NCOA2: variants seen among roughly 807,000 people sequenced by gnomAD.
NCOA2 encodes the protein nuclear receptor coactivator 2.
In NCOA2, 21 loss-of-function variants were observed where a neutral mutation model predicts 145.1. The ratio of observed to expected loss-of-function variants is 0.14; its 90% confidence interval spans 0.10 to 0.21. The LOEUF is 0.21. Among genes scored for constraint, NCOA2 ranks in the 10% least tolerant of loss-of-function variants. The pLI, the probability that NCOA2 is intolerant of heterozygous loss-of-function variation, is 1.00. For synonymous variants in NCOA2, 619 were observed against 637.5 expected (o/e 0.97, Z 0.44); for missense variants, 1,472 against 1,837.6 (o/e 0.80, Z 3.64).
At position 70,112,429 on chromosome 8, in the gene NCOA2, C is replaced by T. The variant is rs1011436809; in HGVS notation, c.*1203G>A. On this transcript the variant is annotated 3_prime_UTR_variant, in exon 23 of 23. Coordinates refer to ENST00000452400, the MANE Select transcript of NCOA2 (RefSeq NM_006540.4). ...GGATTTTATGTACCTTACAAAACTT[C>T]GGCTTAGTCAGCACTGCTAAAAAAC... The T allele has an allele frequency of 5.1e-6, 1 of 195,336 alleles. No individual in the cohort carries two copies. Among genetic ancestry groups the T allele is most frequent in the Non-Finnish European group, 1.1e-5 (1 of 93,716 alleles). 12.1% of individuals were successfully genotyped at this position (195,336 alleles called of 1,614,324 possible). A position where few individuals can be genotyped will look rare whatever the true frequency, so the allele number is the denominator to read the frequency against.
chr8:70,159,028 G>A (rs1812588323), intron 10 of NCOA2, among the ~76,000 whole-genome samples: 1 of 151,194 alleles, frequency 6.6e-6, no homozygotes, highest in South Asian at 2.1e-4. Flanking sequence ...ATGGGGGACT[G>A]GTTCTAGCCT....
At chr8:70,422,411 T>TG in the NCOA2 span, among the ~76,000 whole-genome samples, 26 of 152,138 alleles carry the variant, frequency 1.7e-4, no homozygotes, top group East Asian at 7.7e-4. Flanking sequence ...GTTTTTTTTT[T>TG]TTGTTGTCAT....
intron 2 of NCOA2, 51 bp downstream of exon 2, chr8:70,296,693 T>C (rs1269171522): frequency 6.6e-6 from 1 of 152,188 alleles, no homozygotes; most frequent in Non-Finnish European, 1.5e-5. Flanking sequence ...AATTTTAAAA[T>C]TTTAATTAAA....
In NCOA2 at chr8:70,131,783, A is replaced by G; in HGVS notation, c.3324+54T>C. On this transcript the variant is annotated intron_variant, in intron 16 of 22. Coordinates refer to ENST00000452400, the MANE Select transcript of NCOA2 (RefSeq NM_006540.4). ...GAGTACCTGTAAACAGAAAATGGAC[A>G]CCTCTGCGCCCATGAGAGCGCTTGG... is the stretch of plus-strand genomic sequence containing the variant. 2.6e-6 allele frequency: 4 copies of G among 1,514,610 alleles called. No homozygotes were observed. The South Asian group carries it at 5.0e-5, about 19-fold the overall frequency. The allele number at this position is 1,514,610 out of a possible 1,614,324, so 93.8% of individuals were successfully genotyped here. A position where few individuals can be genotyped will look rare whatever the true frequency, so the allele number is the denominator to read the frequency against.
intron 2 of NCOA2, among the ~76,000 whole-genome samples, chr8:70,224,794 T>C (rs1487444573): frequency 6.6e-6 from 1 of 151,096 alleles, no homozygotes; most frequent in East Asian, 1.9e-4. Flanking sequence ...ACATATATAT[T>C]AATTAAATTA....
At chr8:70,212,616 A>T (rs572814761) in intron 4 of NCOA2, among the ~76,000 whole-genome samples, 9 of 152,356 alleles carry the variant, frequency 5.9e-5, no homozygotes, top group East Asian at 5.8e-4. Flanking sequence ...TGAAATGGAA[A>T]ACGCTAAGAT....
chr8:70,132,290 G>A (rs1380091377), intron 15 of NCOA2, among the ~76,000 whole-genome samples: 1 of 152,176 alleles, frequency 6.6e-6, no homozygotes, highest in East Asian at 1.9e-4. Context: ...GGTCCACATG[G>A]ATCTGTGTGA....
rs1425153905 is a variant in NCOA2 at position 70,148,128 on chromosome 8, C to G, written c.2605+145G>C. The G allele has an allele frequency of 5.4e-6, 4 of 742,308 alleles. No individual in the cohort carries two copies. The Admixed American group carries it at 9.7e-5, about 18-fold the overall frequency. The allele number at this position is 742,308 out of a possible 1,614,324, so 46.0% of individuals were successfully genotyped here. On this transcript the variant is annotated intron_variant, in intron 12 of 22. Coordinates refer to ENST00000452400, the MANE Select transcript of NCOA2 (RefSeq NM_006540.4). ...GGAGGATCCATTTTGAATACTGTTTCAAAAGACCAGGACAGTAGATGGTGC... is the reference window on the plus strand; with the variant it reads ...GGAGGATCCATTTTGAATACTGTTTGAAAAGACCAGGACAGTAGATGGTGC...
intron 1 of NCOA2, chr8:70,402,306 G>C (rs534588052): frequency 6.6e-6 from 1 of 152,380 alleles, no homozygotes; most frequent in African/African-American, 2.4e-5. Context: ...GCGGAGGAAG[G>C]TGTTCAGGCT....
At chr8:70,239,342 C>T (rs1563666854) in intron 2 of NCOA2, among the ~76,000 whole-genome samples, 1 of 152,046 alleles carries the variant, frequency 6.6e-6, no homozygotes, top group Non-Finnish European at 1.5e-5. Context: ...GAAAGACTAA[C>T]CTCTACCAAC....
At chr8:70,228,630 A>G (rs571421079) in intron 2 of NCOA2, among the ~76,000 whole-genome samples, 1 of 152,384 alleles carries the variant, frequency 6.6e-6, no homozygotes, top group South Asian at 2.1e-4. Context: ...TCTTTTAAAT[A>G]GTCCTAAGAC....
chr8:70,162,909 T>TG, intron 8 of NCOA2, 55 bp from the exon 9 acceptor site: 1 of 1,319,804 alleles, frequency 7.6e-7, no homozygotes. Context: ...TTTATGGAAA[T>TG]AATTTTTTTT....
chr8:70,299,212 A>C (rs1371882044), intron 1 of NCOA2, among the ~76,000 whole-genome samples: 2 of 152,248 alleles, frequency 1.3e-5, no homozygotes, highest in Non-Finnish European at 2.9e-5. Context: ...AAACTTTTTT[A>C]TAAGTTACTA....
rs745353309 is a variant in NCOA2, at chr8:70,156,667, T to A, written c.1698A>T (p.Pro566=). The A allele has an allele frequency of 1.2e-6, 2 of 1,613,964 alleles. No individual in the cohort carries two copies. The highest frequency in any genetic ancestry group is 2.2e-5 in the South Asian group (2 of 91,084). The change falls in exon 11 of 23, where the codon CCA becomes CCT. Residue 566 remains proline, a synonymous_variant. Transcript: ENST00000452400. ...DLKMGNLQNS[P]VNMNPPPLSK... ...TGAGTGGGGGAGGATTCATATTAAC[T>A]GGGGAGTTTTGCAAATTGCCCATTT...
intron 2 of NCOA2, among the ~76,000 whole-genome samples, chr8:70,247,783 C>A (rs1487270847): frequency 6.6e-6 from 1 of 152,240 alleles, no homozygotes; most frequent in Non-Finnish European, 1.5e-5. Context: ...TCAGCCAGAT[C>A]ATGGGCAGCA....
intron 20 of NCOA2, 69 bp from the exon 21 acceptor site, chr8:70,124,151 C>T: frequency 1.9e-5 from 27 of 1,454,506 alleles, no homozygotes; most frequent in Middle Eastern, 1.8e-4. Context: ...CAGCTCAGGG[C>T]ACTTGTTTCT....
chr8:70,293,861 A>G (rs368211313), intron 2 of NCOA2, among the ~76,000 whole-genome samples: 1 of 152,288 alleles, frequency 6.6e-6, no homozygotes, highest in East Asian at 1.9e-4. Flanking sequence ...AGTCTGTTCA[A>G]TAAGTTTTGT....
At chr8:70,243,840 T>C (rs1304126471) in intron 2 of NCOA2, among the ~76,000 whole-genome samples, 2 of 141,652 alleles carry the variant, frequency 1.4e-5, no homozygotes, top group South Asian at 2.3e-4. Flanking sequence ...TTAAAAAAAA[T>C]CCCAAATTAA....
At chr8:70,258,581 A>G (rs148806971) in intron 2 of NCOA2, among the ~76,000 whole-genome samples, 149 of 152,260 alleles carry the variant, frequency 9.8e-4, no homozygotes, top group Middle Eastern at 3.4e-3. Context: ...ATCAATTTCC[A>G]AGACCTTTAG....
Sources: allele counts gnomAD v4.1 joint callset (sites outside exome capture counted in the v4.1 genomes callset), GRCh38; gene constraint gnomAD v4.1.1; transcripts MANE v1.5; gene names NCBI Gene and HGNC (gene_info 2026-07-23, HGNC 2026-07-21).